Variants in TENM2 observed in about 807,000 individuals in gnomAD.
The protein encoded by TENM2 is teneurin transmembrane protein 2.
In TENM2, 52 loss-of-function variants were observed where a neutral mutation model predicts 245.2. The observed-to-expected ratio is 0.21, with a 90% CI of 0.17 to 0.27. The LOEUF is 0.27. Ranked by LOEUF, TENM2 falls within the 10% of genes least tolerant of loss-of-function variation. The pLI is 1.00. For missense variants in TENM2, 3,046 were observed against 3,666.8 expected, an observed-to-expected ratio of 0.83 and a Z score of 4.37; for synonymous variants, 1,363 against 1,438.9, an observed-to-expected ratio of 0.95 and a Z score of 1.19.
At chr5:168,248,447 G>A in intron 27 of TENM2, 76 bp downstream of exon 29, 1 of 1,426,608 alleles carries the variant, frequency 7.0e-7, no homozygotes, top group Non-Finnish European at 9.5e-7. Flanking sequence ...TGGGAGGAAG[G>A]TCTCCCATCT....
At chr5:167,308,889 C>A (rs754039458) in intron 1 of TENM2, among the ~76,000 whole-genome samples, 4 of 152,028 alleles carry the variant, frequency 2.6e-5, no homozygotes, top group Non-Finnish European at 5.9e-5. Context: ...AAAGGGAAAC[C>A]ATTTTGGGGG....
chr5:167,787,568 A>G (rs1246915317), intron 2 of TENM2, among the ~76,000 whole-genome samples: 1 of 152,144 alleles, frequency 6.6e-6, no homozygotes, highest in Admixed American at 6.5e-5. Flanking sequence ...CATCCATCCT[A>G]TGTTCTATCA....
intron 2 of TENM2, among the ~76,000 whole-genome samples, chr5:167,532,493 G>A (rs546597045): frequency 6.6e-6 from 1 of 151,986 alleles, no homozygotes; most frequent in Non-Finnish European, 1.5e-5. Context: ...ATGGCAGCAG[G>A]CAAAGAGAGA....
chr5:167,227,565 CA>C, the TENM2 span, among the ~76,000 whole-genome samples: 1 of 152,038 alleles, frequency 6.6e-6, no homozygotes, highest in East Asian at 1.9e-4. Context: ...TTTCTCTCAG[CA>C]CTTTGAATAT....
chr5:167,975,451 CA>C (rs1226871868), intron 4 of TENM2, among the ~76,000 whole-genome samples: 1 of 144,616 alleles, frequency 6.9e-6, no homozygotes, highest in Non-Finnish European at 1.5e-5. Flanking sequence ...TTCTTAGTGG[CA>C]TTTTTTTTTT....
chr5:167,035,960 C>G, the TENM2 span, among the ~76,000 whole-genome samples: 1 of 152,158 alleles, frequency 6.6e-6, no homozygotes, highest in Non-Finnish European at 1.5e-5. Context: ...CGAGGCTGGT[C>G]TCAAACTCCT....
At chr5:167,265,063 C>T in the TENM2 span, among the ~76,000 whole-genome samples, 1 of 151,988 alleles carries the variant, frequency 6.6e-6, no homozygotes, top group Admixed American at 6.6e-5. Flanking sequence ...AGCGATGGCT[C>T]ATGCCTGTAA....
chr5:167,248,076 C>G, the TENM2 span, among the ~76,000 whole-genome samples: 1 of 152,050 alleles, frequency 6.6e-6, no homozygotes, highest in African/African-American at 2.4e-5. Context: ...ATACTGTAAA[C>G]AAAAACTGAA....
intron 27 of TENM2, among the ~76,000 whole-genome samples, chr5:168,255,435 G>A (rs902655625): frequency 1.3e-5 from 2 of 152,018 alleles, no homozygotes; most frequent in African/African-American, 4.8e-5. Context: ...CTGAGGAGCT[G>A]GGACTACAGG....
chr5:166,981,223 T>C, the TENM2 span, among the ~76,000 whole-genome samples: 1 of 152,214 alleles, frequency 6.6e-6, no homozygotes, highest in East Asian at 1.9e-4. Context: ...TGTAGTCTGC[T>C]GAAAGTAATA....
intron 5 of TENM2, among the ~76,000 whole-genome samples, chr5:168,005,955 A>G (rs1784789663): frequency 6.6e-6 from 1 of 152,222 alleles, no homozygotes; most frequent in Non-Finnish European, 1.5e-5. Flanking sequence ...CTGGGAATAT[A>G]AAAAGAGGAG....
At chr5:167,125,290 G>A in the TENM2 span, among the ~76,000 whole-genome samples, 3 of 152,236 alleles carry the variant, frequency 2.0e-5, no homozygotes, top group Non-Finnish European at 4.4e-5. Flanking sequence ...GCCAATGGAA[G>A]AAGCAAGTAA....
chr5:168,236,704 T>C (rs1409065055), intron 25 of TENM2, among the ~76,000 whole-genome samples: 2 of 151,502 alleles, frequency 1.3e-5, no homozygotes, highest in African/African-American at 2.4e-5. Context: ...AGGGCAGGGG[T>C]CATAACTGTC....
At chr5:167,311,853 G>A (rs539299697) in intron 1 of TENM2, among the ~76,000 whole-genome samples, 3 of 152,212 alleles carry the variant, frequency 2.0e-5, no homozygotes, top group South Asian at 2.1e-4. Context: ...GCAACAATCC[G>A]TTTATATCAT....
intron 2 of TENM2, among the ~76,000 whole-genome samples, chr5:167,567,421 G>T (rs1185077350): frequency 6.6e-6 from 1 of 152,066 alleles, no homozygotes; most frequent in Admixed American, 6.6e-5. Flanking sequence ...TCACCCTAAG[G>T]AAAAACAAAC....
chr5:167,508,932 C>A (rs1300509057), intron 2 of TENM2, among the ~76,000 whole-genome samples: 1 of 152,142 alleles, frequency 6.6e-6, no homozygotes, highest in Non-Finnish European at 1.5e-5. Flanking sequence ...GATTCTCCTG[C>A]CTCAGCCTCC....
At chr5:167,228,288 C>G in the TENM2 span, among the ~76,000 whole-genome samples, 5 of 151,884 alleles carry the variant, frequency 3.3e-5, no homozygotes, top group African/African-American at 9.7e-5. Context: ...TTTCAGCTTC[C>G]CAAAGTGCTG....
chr5:168,245,514 G>A (rs1218293902), intron 26 of TENM2, among the ~76,000 whole-genome samples: 1 of 149,750 alleles, frequency 6.7e-6, no homozygotes, highest in Non-Finnish European at 1.5e-5. Flanking sequence ...GATTCCCTGT[G>A]TCTGAAAGTG....
intron 2 of TENM2, among the ~76,000 whole-genome samples, chr5:167,719,785 T>G (rs1759505688): frequency 1.3e-5 from 2 of 152,096 alleles, no homozygotes; most frequent in South Asian, 4.1e-4. Context: ...CGTGGGTGAG[T>G]GCTACTAGCA....
Sources: gnomAD v4.1 joint callset for allele counts (sites outside exome capture counted in the v4.1 genomes callset) on GRCh38, gnomAD v4.1.1 for gene constraint, MANE v1.5 for transcripts, NCBI Gene and HGNC (gene_info 2026-07-23, HGNC 2026-07-21) for gene names.